Variants in HS3ST4 observed in about 807,000 individuals in gnomAD.
HS3ST4 encodes heparan sulfate-glucosamine 3-sulfotransferase 4.
Under a neutral mutation model 29.2 loss-of-function variants are expected in HS3ST4, and 17 were observed. The ratio of observed to expected loss-of-function variants is 0.58; its 90% CI spans 0.40 to 0.87. The LOEUF (loss-of-function observed/expected upper bound fraction) is 0.87. HS3ST4 is among the 40% of genes least tolerant of loss of function. HS3ST4 has a pLI of 0.00. For synonymous variants in HS3ST4, 314 were observed against 285.7 expected, an observed-to-expected ratio of 1.10 and a Z score of -1.00; for missense variants, 627 against 634.5, an observed-to-expected ratio of 0.99 and a Z score of 0.13.
At chr16:25,888,489 C>CA (rs1054008280) in intron 1 of HS3ST4, among the ~76,000 whole-genome samples, 35 of 151,958 alleles carry the variant, frequency 2.3e-4, no homozygotes, top group Admixed American at 1.1e-3. Flanking sequence ...CTCCTTTTAA[C>CA]AAAAAAAATT....
intron 1 of HS3ST4, among the ~76,000 whole-genome samples, chr16:26,028,234 G>T (rs1219124885): frequency 7.1e-6 from 1 of 140,542 alleles, no homozygotes; most frequent in Non-Finnish European, 1.5e-5. Context: ...GATGGCTCAG[G>T]TGCACTCTAG....
intron 1 of HS3ST4, among the ~76,000 whole-genome samples, chr16:25,774,654 G>A (rs1489144258): frequency 6.6e-6 from 1 of 152,116 alleles, no homozygotes; most frequent in Non-Finnish European, 1.5e-5. Flanking sequence ...ACCCCAACGT[G>A]TGGATGAAAT....
chr16:26,038,012 A>G (rs1969599255), intron 1 of HS3ST4, among the ~76,000 whole-genome samples: 1 of 152,312 alleles, frequency 6.6e-6, no homozygotes, highest in Non-Finnish European at 1.5e-5. Context: ...CTCTCAGAAG[A>G]GTAAAAGTCC....
At chr16:25,745,785 A>T (rs1181709225) in intron 1 of HS3ST4, among the ~76,000 whole-genome samples, 1 of 152,208 alleles carries the variant, frequency 6.6e-6, no homozygotes, top group Non-Finnish European at 1.5e-5. Flanking sequence ...TTTGCATATC[A>T]TTAAAATTGG....
chr16:25,779,379 A>C (rs1295088481), intron 1 of HS3ST4, among the ~76,000 whole-genome samples: 1 of 152,242 alleles, frequency 6.6e-6, no homozygotes, highest in African/African-American at 2.4e-5. Context: ...GCCAAGTCAC[A>C]CAGGAAGTTG....
chr16:25,787,836 T>G (rs953126880), intron 1 of HS3ST4, among the ~76,000 whole-genome samples: 1 of 152,168 alleles, frequency 6.6e-6, no homozygotes, highest in Non-Finnish European at 1.5e-5. Context: ...TAAGATGCAA[T>G]GTAAGACTTG....
chr16:25,702,611 A>C (rs1966341612), intron 1 of HS3ST4, among the ~76,000 whole-genome samples: 1 of 152,080 alleles, frequency 6.6e-6, no homozygotes, highest in Non-Finnish European at 1.5e-5. Flanking sequence ...TGATGCCTAA[A>C]TTGAGATCAG....
At chr16:25,732,062 A>G (rs1372395477) in intron 1 of HS3ST4, among the ~76,000 whole-genome samples, 1 of 152,174 alleles carries the variant, frequency 6.6e-6, no homozygotes, top group Non-Finnish European at 1.5e-5. Context: ...CAAAACCCAT[A>G]AGGGGTTGAC....
chr16:25,715,537 C>T (rs1365866589), intron 1 of HS3ST4, among the ~76,000 whole-genome samples: 1 of 152,178 alleles, frequency 6.6e-6, no homozygotes, highest in Admixed American at 6.5e-5. Flanking sequence ...AAATAATACT[C>T]AATGCTCCTT....
At chr16:25,811,559 G>T (rs1426176420) in intron 1 of HS3ST4, among the ~76,000 whole-genome samples, 1 of 150,172 alleles carries the variant, frequency 6.7e-6, no homozygotes, top group South Asian at 2.1e-4. Context: ...TCAGCCTCCC[G>T]AGTAGCTGGG....
chr16:25,718,041 A>T (rs984579088), intron 1 of HS3ST4, among the ~76,000 whole-genome samples: 2 of 151,876 alleles, frequency 1.3e-5, no homozygotes, highest in Admixed American at 1.3e-4. Flanking sequence ...GTCAGCAGGA[A>T]CTCCTAGGTT....
chr16:25,711,471 C>G (rs1398621792), intron 1 of HS3ST4, among the ~76,000 whole-genome samples: 1 of 152,090 alleles, frequency 6.6e-6, no homozygotes. Flanking sequence ...TGCTGCTGAC[C>G]CTGCTGCTGC....
chr16:25,956,850 T>A (rs1219984917), intron 1 of HS3ST4, among the ~76,000 whole-genome samples: 4 of 151,822 alleles, frequency 2.6e-5, no homozygotes, highest in African/African-American at 9.7e-5. Context: ...TACAAAAAAT[T>A]AGCCAGGTTT....
intron 1 of HS3ST4, among the ~76,000 whole-genome samples, chr16:25,718,741 T>C (rs1351334938): frequency 1.3e-5 from 2 of 152,082 alleles, no homozygotes; most frequent in East Asian, 3.9e-4. Context: ...AGATAGGCAG[T>C]GGGATGCATG....
intron 1 of HS3ST4, among the ~76,000 whole-genome samples, chr16:25,994,702 C>T (rs557474249): frequency 3.7e-4 from 56 of 152,220 alleles, no homozygotes; most frequent in Admixed American, 1.4e-3. Flanking sequence ...TTTAATAATA[C>T]TATATTATGC....
At chr16:25,850,292 T>C (rs1967505334) in intron 1 of HS3ST4, among the ~76,000 whole-genome samples, 1 of 152,108 alleles carries the variant, frequency 6.6e-6, no homozygotes. Context: ...CCGGCCCCTA[T>C]TTTTTTAAAC....
intron 1 of HS3ST4, among the ~76,000 whole-genome samples, chr16:25,941,868 G>A (rs756401812): frequency 4.6e-5 from 7 of 152,186 alleles, no homozygotes; most frequent in Non-Finnish European, 8.8e-5. Flanking sequence ...GAGCCACCAT[G>A]CCTGGCCAAC....
At chr16:25,940,730 G>C (rs955257851) in intron 1 of HS3ST4, among the ~76,000 whole-genome samples, 3 of 152,194 alleles carry the variant, frequency 2.0e-5, no homozygotes, top group Non-Finnish European at 4.4e-5. Flanking sequence ...GGAGCATGAA[G>C]TAGGTTGACT....
In HS3ST4 at chr16:26,136,094, C is replaced by T. The variant is rs553958618; in HGVS notation, c.1217C>T (p.Pro406Leu). Residue 406 changes from proline to leucine, a missense_variant, in exon 2 of 2, where the codon CCG (proline) becomes CTG (leucine). Physicochemically the swap from Pro to Leu is moderately conservative, Grantham distance 98 (BLOSUM62 -3). Transcript: ENST00000331351. Reference sequence around the variant, plus strand: ...AAGAAGCCAGAAGACAGCAGTGCCCCGAGGTGCTTAGGCAAGAGCAAAGGT... The same window carrying T: ...AAGAAGCCAGAAGACAGCAGTGCCCTGAGGTGCTTAGGCAAGAGCAAAGGT... ...CLKKPEDSSA[P>L]RCLGKSKGRT... 12 of 1,613,498 alleles carry T rather than the reference C, an allele frequency of 7.4e-6. No individual in the cohort carries two copies. Among genetic ancestry groups the T allele is most frequent in the African/African-American group, 4.0e-5 (3 of 74,894 alleles).
Sources: gnomAD v4.1 joint callset for allele counts (sites outside exome capture counted in the v4.1 genomes callset) on GRCh38, gnomAD v4.1.1 for gene constraint, MANE v1.5 for transcripts, NCBI Gene and HGNC (gene_info 2026-07-23, HGNC 2026-07-21) for gene names.